Variants in WDR70 observed in about 807,000 individuals in gnomAD.
WDR70 encodes the protein WD repeat domain 70.
In WDR70, 53 loss-of-function variants were observed where a neutral mutation model predicts 88.6. That is an observed-to-expected ratio of 0.60 (90% CI 0.48 to 0.75). WDR70 has a LOEUF of 0.75. WDR70 is among the 30% of genes least tolerant of loss of function. WDR70 has a pLI of 0.00. For synonymous variants in WDR70, 280 were observed against 270.0 expected (o/e 1.04, Z -0.36); for missense variants, 610 against 823.2 (o/e 0.74, Z 3.17).
At chr5:37,661,390 A>G (rs994421683) in intron 10 of WDR70, among the ~76,000 whole-genome samples, 2 of 152,176 alleles carry the variant, frequency 1.3e-5, no homozygotes, top group Admixed American at 6.5e-5. Flanking sequence ...TTTTAGCCCT[A>G]TATCGAAATG....
chr5:37,483,735 C>T (rs1199563820), intron 8 of WDR70, among the ~76,000 whole-genome samples: 2 of 149,618 alleles, frequency 1.3e-5, no homozygotes, highest in African/African-American at 2.5e-5. Context: ...AGGTGCCCCC[C>T]ACCTCCCTCC....
chr5:37,513,483 A>G (rs913816406), intron 8 of WDR70, among the ~76,000 whole-genome samples: 2 of 152,174 alleles, frequency 1.3e-5, no homozygotes, highest in African/African-American at 4.8e-5. Flanking sequence ...GTGAAGATGG[A>G]AGGAACATGG....
At chr5:37,701,655 G>A (rs925738514) in intron 12 of WDR70, among the ~76,000 whole-genome samples, 4 of 151,858 alleles carry the variant, frequency 2.6e-5, no homozygotes, top group African/African-American at 4.8e-5. Flanking sequence ...CCGTGGTGGC[G>A]GGTGCCTGTA....
intron 9 of WDR70, among the ~76,000 whole-genome samples, chr5:37,595,318 A>G (rs1743669254): frequency 6.6e-6 from 1 of 152,188 alleles, no homozygotes; most frequent in South Asian, 2.1e-4. Context: ...GCAACAAACA[A>G]TTGTTAATAA....
intron 9 of WDR70, among the ~76,000 whole-genome samples, chr5:37,562,127 G>A (rs1045459480): frequency 2.6e-5 from 4 of 152,214 alleles, no homozygotes; most frequent in African/African-American, 4.8e-5. Context: ...GGAGGCCAAG[G>A]CAGGTGGATC....
chr5:37,573,359 A>G (rs1742963837), intron 9 of WDR70, among the ~76,000 whole-genome samples: 1 of 151,808 alleles, frequency 6.6e-6, no homozygotes, highest in Non-Finnish European at 1.5e-5. Flanking sequence ...GTTCACCCGA[A>G]TTCTCCCTCA....
At chr5:37,473,808 A>G (rs1457363463) in intron 7 of WDR70, among the ~76,000 whole-genome samples, 1 of 152,078 alleles carries the variant, frequency 6.6e-6, no homozygotes, top group Non-Finnish European at 1.5e-5. Context: ...TTCCTTTTAT[A>G]TATATATTGC....
intron 8 of WDR70, among the ~76,000 whole-genome samples, chr5:37,501,681 C>T (rs2112220976): frequency 6.6e-6 from 1 of 152,104 alleles, no homozygotes; most frequent in Middle Eastern, 3.4e-3. Flanking sequence ...TTTCCCAGCA[C>T]CATTTATTGA....
At chr5:37,629,524 C>G (rs1414507535) in intron 10 of WDR70, among the ~76,000 whole-genome samples, 1 of 152,154 alleles carries the variant, frequency 6.6e-6, no homozygotes, top group Non-Finnish European at 1.5e-5. Flanking sequence ...TCTTCAAGTT[C>G]AGAAATTTTT....
intron 9 of WDR70, among the ~76,000 whole-genome samples, chr5:37,569,272 C>T (rs1742833342): frequency 6.6e-6 from 1 of 152,176 alleles, no homozygotes; most frequent in African/African-American, 2.4e-5. Context: ...CTAACTTCTA[C>T]ATAATGATTG....
intron 7 of WDR70, among the ~76,000 whole-genome samples, chr5:37,455,634 A>ATTTTTTTTTTTTTT (rs1738812434): frequency 5.3e-5 from 1 of 18,972 alleles, no homozygotes; most frequent in African/African-American, 7.9e-5. Flanking sequence ...AGTTCTCTTT[A>ATTTTTTTTTTTTTT]TCTTTTTTTT....
At chr5:37,685,502 C>G (rs552592236) in intron 10 of WDR70, among the ~76,000 whole-genome samples, 2 of 152,184 alleles carry the variant, frequency 1.3e-5, no homozygotes, top group East Asian at 1.9e-4. Context: ...AGGCTGGGAC[C>G]CTGGAAGAGG....
intron 9 of WDR70, among the ~76,000 whole-genome samples, chr5:37,561,181 C>T (rs1264171859): frequency 1.3e-5 from 2 of 152,062 alleles, no homozygotes; most frequent in Non-Finnish European, 1.5e-5. Context: ...TGCCATGTCT[C>T]GTTTCACTGG....
intron 10 of WDR70, among the ~76,000 whole-genome samples, chr5:37,629,696 G>A (rs1744760227): frequency 6.6e-6 from 1 of 151,870 alleles, no homozygotes; most frequent in South Asian, 2.1e-4. Context: ...TGATTTTGTT[G>A]AATTGTTTAT....
intron 8 of WDR70, among the ~76,000 whole-genome samples, chr5:37,480,627 T>C (rs935645586): frequency 6.6e-6 from 1 of 152,150 alleles, no homozygotes; most frequent in African/African-American, 2.4e-5. Context: ...GCCTCCATGA[T>C]TCAATTATCT....
At chr5:37,483,676 G>T (rs1739749499) in intron 8 of WDR70, among the ~76,000 whole-genome samples, 2 of 151,940 alleles carry the variant, frequency 1.3e-5, no homozygotes, top group African/African-American at 4.8e-5. Context: ...AGAAGGGGCG[G>T]CCAGGCAGAG....
At chr5:37,485,542 C>A (rs997945564) in intron 8 of WDR70, among the ~76,000 whole-genome samples, 4 of 152,252 alleles carry the variant, frequency 2.6e-5, no homozygotes, top group Admixed American at 1.3e-4. Flanking sequence ...TTAGCATTCA[C>A]AAGTCCAAGA....
intron 10 of WDR70, among the ~76,000 whole-genome samples, chr5:37,630,598 G>A (rs758078997): frequency 6.6e-6 from 1 of 152,176 alleles, no homozygotes; most frequent in Non-Finnish European, 1.5e-5. Context: ...AGGACTGGTA[G>A]GCTTTTAGTG....
At chr5:37,691,732 G>A (rs927758519) in intron 10 of WDR70, among the ~76,000 whole-genome samples, 2 of 152,154 alleles carry the variant, frequency 1.3e-5, no homozygotes, top group Non-Finnish European at 2.9e-5. Flanking sequence ...GAAATTTATA[G>A]CACTAAATGC....
Sources: gnomAD v4.1 joint callset for allele counts (sites outside exome capture counted in the v4.1 genomes callset) on GRCh38, gnomAD v4.1.1 for gene constraint, MANE v1.5 for transcripts, NCBI Gene and HGNC (gene_info 2026-07-23, HGNC 2026-07-21) for gene names.